Variants in SGCD observed in about 807,000 individuals in gnomAD.
The protein encoded by SGCD is delta-sarcoglycan.
In SGCD, 18 loss-of-function variants were observed where a neutral mutation model predicts 36.6. The ratio of observed to expected loss-of-function variants is 0.49; its 90% CI spans 0.34 to 0.73. The LOEUF (loss-of-function observed/expected upper bound fraction) is 0.73, where lower values mean the gene tolerates loss of function less well. Among genes scored for constraint, SGCD ranks in the 30% least tolerant of loss-of-function variants. The probability of loss-of-function intolerance (pLI) is 0.01; values close to 1 mark genes in which losing one functional copy is unlikely to be tolerated. For missense variants in SGCD, 387 were observed against 346.7 expected, an observed-to-expected ratio of 1.12 and a Z score of -0.92; for synonymous variants, 133 against 130.6, an observed-to-expected ratio of 1.02 and a Z score of -0.12.
intron 3 of SGCD, among the ~76,000 whole-genome samples, chr5:156,242,130 G>A (rs921217034): frequency 2.6e-5 from 4 of 152,138 alleles, no homozygotes; most frequent in African/African-American, 9.7e-5. Context: ...GTGGGGCAAT[G>A]GTTAAACTGT....
the SGCD span, among the ~76,000 whole-genome samples, chr5:155,731,020 G>T: frequency 6.6e-6 from 1 of 152,158 alleles, no homozygotes. Flanking sequence ...GGAGCTGGGG[G>T]CCAAGAGGAG....
chr5:156,028,461 G>A (rs549442567), intron 1 of SGCD, among the ~76,000 whole-genome samples: 45 of 152,144 alleles, frequency 3.0e-4, no homozygotes, highest in African/African-American at 1.0e-3. Context: ...TAATATCTCA[G>A]TTTCTTCCTA....
the SGCD span, among the ~76,000 whole-genome samples, chr5:155,785,376 G>A: frequency 2.0e-5 from 3 of 152,076 alleles, no homozygotes; most frequent in African/African-American, 7.2e-5. Context: ...GATTAAATCA[G>A]GGTAATTAGC....
intron 1 of SGCD, among the ~76,000 whole-genome samples, chr5:155,936,586 G>A (rs1757206863): frequency 6.6e-6 from 1 of 152,180 alleles, no homozygotes; most frequent in Non-Finnish European, 1.5e-5. Context: ...AGGCTTCAGA[G>A]GAAAGGAGGT....
chr5:155,768,062 C>T, the SGCD span, among the ~76,000 whole-genome samples: 2 of 151,966 alleles, frequency 1.3e-5, no homozygotes, highest in Non-Finnish European at 2.9e-5. Flanking sequence ...AGGGTTTTAC[C>T]AGTGGTACTT....
intron 3 of SGCD, among the ~76,000 whole-genome samples, chr5:156,248,896 G>A (rs1765506210): frequency 6.6e-6 from 1 of 152,162 alleles, no homozygotes; most frequent in Non-Finnish European, 1.5e-5. Context: ...TGATGTCAAA[G>A]GTGATTCTAG....
intron 3 of SGCD, among the ~76,000 whole-genome samples, chr5:156,447,518 A>G (rs1753798333): frequency 6.6e-6 from 1 of 152,094 alleles, no homozygotes; most frequent in African/African-American, 2.4e-5. Context: ...TAAATACCCT[A>G]TTGGGAAACC....
chr5:156,402,076 G>T (rs556044444), intron 3 of SGCD, among the ~76,000 whole-genome samples: 2 of 152,124 alleles, frequency 1.3e-5, no homozygotes, highest in African/African-American at 2.4e-5. Flanking sequence ...AGGTTTATCC[G>T]TGTTGTAGTA....
chr5:156,604,133 A>G (rs1761318698), intron 6 of SGCD, among the ~76,000 whole-genome samples: 1 of 151,892 alleles, frequency 6.6e-6, no homozygotes, highest in African/African-American at 2.4e-5. Flanking sequence ...TGATTCTTTT[A>G]TCACTATACA....
intron 3 of SGCD, among the ~76,000 whole-genome samples, chr5:156,475,314 C>A (rs1019573902): frequency 6.6e-6 from 1 of 152,140 alleles, no homozygotes; most frequent in Non-Finnish European, 1.5e-5. Flanking sequence ...AGCTGGCTTC[C>A]CCTCCCCACA....
chr5:156,031,137 A>G (rs1341243793), intron 1 of SGCD, among the ~76,000 whole-genome samples: 6 of 152,312 alleles, frequency 3.9e-5, no homozygotes, highest in East Asian at 1.9e-4. Flanking sequence ...TCCAGCTGAC[A>G]TGCACATCAG....
intron 7 of SGCD, among the ~76,000 whole-genome samples, chr5:156,742,381 A>G (rs778868275): frequency 7.2e-5 from 11 of 152,002 alleles, no homozygotes; most frequent in African/African-American, 9.7e-5. Flanking sequence ...CATATACTCT[A>G]TAAGCATTCT....
chr5:156,116,355 T>C (rs773863147), intron 1 of SGCD, among the ~76,000 whole-genome samples: 11 of 152,136 alleles, frequency 7.2e-5, no homozygotes, highest in Non-Finnish European at 1.6e-4. Context: ...TTATTATATA[T>C]GTGGCCAAGC....
At chr5:156,391,287 C>T (rs965145889) in intron 3 of SGCD, among the ~76,000 whole-genome samples, 7 of 152,150 alleles carry the variant, frequency 4.6e-5, no homozygotes, top group East Asian at 1.9e-4. Flanking sequence ...GTGTGTAGCA[C>T]GCTCTACTAT....
chr5:156,343,884 A>G (rs1768801815), intron 2 of SGCD, among the ~76,000 whole-genome samples: 2 of 152,146 alleles, frequency 1.3e-5, no homozygotes, highest in Non-Finnish European at 2.9e-5. Flanking sequence ...GGGGGTAGTT[A>G]GGTATTTACT....
At chr5:156,606,764 T>A (rs1761477878) in intron 6 of SGCD, among the ~76,000 whole-genome samples, 1 of 152,170 alleles carries the variant, frequency 6.6e-6, no homozygotes, top group African/African-American at 2.4e-5. Context: ...GTCCTTCACA[T>A]CCCTTGTAAG....
chr5:155,833,068 A>AAAG, the SGCD span, among the ~76,000 whole-genome samples: 5,932 of 142,632 alleles, frequency 0.042, 186 homozygotes, highest in Middle Eastern at 0.072. Context: ...AAAAAAAAAA[A>AAAG]AAAGAAAAAA....
chr5:155,830,892 C>A, the SGCD span, among the ~76,000 whole-genome samples: 1 of 151,978 alleles, frequency 6.6e-6, no homozygotes, highest in Non-Finnish European at 1.5e-5. Flanking sequence ...TTTCTTTTTG[C>A]TTCTTTACTA....
chr5:156,699,708 G>T (rs1215597292), intron 7 of SGCD, among the ~76,000 whole-genome samples: 1 of 152,142 alleles, frequency 6.6e-6, no homozygotes, highest in Non-Finnish European at 1.5e-5. Context: ...AAGAAATAAG[G>T]TTTATAATGA....
Sources: allele counts gnomAD v4.1 joint callset (sites outside exome capture counted in the v4.1 genomes callset), GRCh38; gene constraint gnomAD v4.1.1; transcripts MANE v1.5; gene names NCBI Gene and HGNC (gene_info 2026-07-23, HGNC 2026-07-21).